Variants in GCLC observed in about 807,000 individuals in gnomAD.
GCLC encodes the protein glutamate-cysteine ligase catalytic subunit.
A neutral mutation model predicts 81.5 loss-of-function variants in GCLC; 30 were observed. The observed-to-expected ratio is 0.37, with a 90% confidence interval of 0.28 to 0.50. GCLC has a LOEUF of 0.50. Ranked by LOEUF, GCLC falls within the 20% of genes least tolerant of loss-of-function variation. The pLI is 0.96. For synonymous variants in GCLC, 262 were observed against 273.3 expected, an observed-to-expected ratio of 0.96 and a Z score of 0.41; for missense variants, 556 against 777.4, an observed-to-expected ratio of 0.72 and a Z score of 3.39.
intron 3 of GCLC, among the ~76,000 whole-genome samples, chr6:53,517,102 T>C (rs1380957478): frequency 1.4e-5 from 2 of 138,232 alleles, no homozygotes; most frequent in East Asian, 2.0e-4. Context: ...TTTTTTTTTT[T>C]CTGAGAAAGG....
intron 1 of GCLC, among the ~76,000 whole-genome samples, chr6:53,543,368 G>A (rs554526172): frequency 2.0e-5 from 3 of 151,754 alleles, no homozygotes; most frequent in Admixed American, 2.0e-4. Flanking sequence ...GTAGAAATGT[G>A]AATTACTAGT....
rs758075962 is a variant in GCLC at position 53,500,086 on chromosome 6, C to G, written c.1661G>C (p.Ser554Thr). The change falls in exon 15 of 16, where the codon AGT becomes ACT. Residue 554 changes from serine to threonine, a missense_variant. This residue lies in a region of GCLC where 313 missense variants were observed against 437.3 expected (regional missense o/e 0.72). Transcript: ENST00000650454. ...AATTAGCTTTAGGTAGTTCAGAATACTACATCTGGTGTCCACATCCACTTC... is the reference window on the plus strand; with the variant it reads ...AATTAGCTTTAGGTAGTTCAGAATAGTACATCTGGTGTCCACATCCACTTC... ...NMEVDVDTRC[S>T]ILNYLKLIKK... 3 of 1,609,390 alleles carry G rather than the reference C, an allele frequency of 1.9e-6. No individual in the cohort carries two copies. The highest frequency in any genetic ancestry group is 1.1e-5 in the South Asian group (1 of 90,974).
chr6:53,531,148 T>A (rs765386295), intron 1 of GCLC, among the ~76,000 whole-genome samples: 1 of 152,120 alleles, frequency 6.6e-6, no homozygotes, highest in Admixed American at 6.5e-5. Flanking sequence ...CAGGGGTTAG[T>A]GGTTACTATT....
At chr6:53,512,711 C>G (rs940955444) in intron 6 of GCLC, among the ~76,000 whole-genome samples, 2 of 151,972 alleles carry the variant, frequency 1.3e-5, no homozygotes, top group African/African-American at 4.8e-5. Flanking sequence ...TATCTACAAG[C>G]AACAAAAATA....
rs747294303 is a variant in GCLC at position 53,544,523 on chromosome 6, G to A, written c.123C>T (p.His41=). 6.2e-7 allele frequency: 1 copy of A among 1,609,184 alleles called. No individual in the cohort carries two copies. Among genetic ancestry groups the A allele is most frequent in the East Asian group, 2.2e-5 (1 of 44,842 alleles). ...LHIYHAVKDR[H]KDVLKWGDEV... ...CATCGCCCCACTTGAGAACGTCCTT[G>A]TGCCGGTCCTTGACGGCGTGGTAGA... Residue 41 remains histidine, a synonymous_variant, in exon 1 of 16, where the codon CAC becomes CAT. Coordinates refer to ENST00000650454, the MANE Select transcript of GCLC (RefSeq NM_001498.4).
At chr6:53,499,113 C>T in intron 15 of GCLC, 146 bp from the exon 16 acceptor site, 2 of 667,514 alleles carry the variant, frequency 3.0e-6, no homozygotes, top group Non-Finnish European at 2.7e-6. Flanking sequence ...GGGGTGGGAA[C>T]ATCTTTCATA....
chr6:53,526,654 T>C (rs970852648), intron 1 of GCLC, among the ~76,000 whole-genome samples: 8 of 151,762 alleles, frequency 5.3e-5, no homozygotes. Flanking sequence ...AAAAATTAGC[T>C]AGGCATGCTG....
At chr6:53,541,044 G>A (rs1224295949) in intron 1 of GCLC, among the ~76,000 whole-genome samples, 1 of 152,046 alleles carries the variant, frequency 6.6e-6, no homozygotes, top group Non-Finnish European at 1.5e-5. Context: ...GTGAAACCCC[G>A]ATTCTACTAA....
At position 53,498,696 on chromosome 6, in the gene GCLC, CT is replaced by C. The variant is rs1361578679; in HGVS notation, c.*59del. ...TCTTCATATTATACACACGGGCTGG[CT>C]GAGAGGCATGGTACTGTAGCCAGTT... On this transcript the variant is annotated 3_prime_UTR_variant, in exon 16 of 16. Coordinates refer to ENST00000650454, the MANE Select transcript of GCLC (RefSeq NM_001498.4). The C allele has an allele frequency of 1.4e-5, 14 of 974,722 alleles. No individual in the cohort carries two copies. The highest frequency in any genetic ancestry group is 1.2e-4 in the East Asian group (5 of 40,682). 60.4% of individuals were successfully genotyped at this position (974,722 alleles called of 1,614,324 possible). A position where few individuals can be genotyped will look rare whatever the true frequency, so the allele number is the denominator to read the frequency against.
At chr6:53,509,073 G>A (rs994414619) in intron 7 of GCLC, 103 bp downstream of exon 7, 10 of 749,088 alleles carry the variant, frequency 1.3e-5, no homozygotes, top group Admixed American at 5.6e-5. Context: ...ATCTCTGACT[G>A]AGGTCTTAAC....
chr6:53,498,820 T>A lies in GCLC; in HGVS notation c.1850A>T (p.Glu617Val). ...QIANELCECP[E>V]LLGSAFRKVK... ...TTTCCTAAATGCTGATCCAAGTAAC[T>A]CTGGGCATTCACATAATTCATTTGC... Residue 617 changes from glutamate (E) to valine (V), a missense_variant, in exon 16 of 16, where the codon GAG becomes GTG. Glu to Val is a moderately radical substitution (Grantham distance 121). This residue lies in a region of GCLC where 313 missense variants were observed against 437.3 expected (regional missense o/e 0.72). Transcript: ENST00000650454. The A allele has an allele frequency of 6.2e-7, 1 of 1,613,606 alleles. No homozygotes were observed. The highest frequency in any genetic ancestry group is 8.5e-7 in the Non-Finnish European group (1 of 1,179,518).
At chr6:53,529,911 T>A (rs935036106) in intron 1 of GCLC, among the ~76,000 whole-genome samples, 2 of 152,254 alleles carry the variant, frequency 1.3e-5, no homozygotes, top group African/African-American at 4.8e-5. Context: ...CATCCCCCAG[T>A]GGGCGGTGCC....
In GCLC at chr6:53,507,533, T is replaced by C. The variant is rs1160556696; in HGVS notation, c.1031A>G (p.Asn344Ser). Residue 344 changes from asparagine to serine, a missense_variant, in exon 9 of 16, where the codon AAT becomes AGT. Physicochemically the swap from Asn to Ser is conservative, Grantham distance 46. Coordinates refer to ENST00000650454, the MANE Select transcript of GCLC (RefSeq NM_001498.4). ...TTTATCTATCGTCAAGTCGATGTCA[T>C]TATATTTCTCACCACACTTAGATAA... Reference protein sequence around the residue: ...SYLSKCGEKYNDIDLTIDKEI... With the variant: ...SYLSKCGEKYSDIDLTIDKEI... The C allele has an allele frequency of 9.4e-6, 15 of 1,603,764 alleles. No homozygotes were observed. Among genetic ancestry groups the C allele is most frequent in the Non-Finnish European group, 1.3e-5 (15 of 1,170,876 alleles).
At chr6:53,524,696 A>T (rs1422946694) in intron 1 of GCLC, among the ~76,000 whole-genome samples, 2 of 152,218 alleles carry the variant, frequency 1.3e-5, no homozygotes. Context: ...TTAACTAGAA[A>T]ACATGCTTCC....
chr6:53,525,890 G>A (rs1355319561), intron 1 of GCLC, among the ~76,000 whole-genome samples: 5 of 152,158 alleles, frequency 3.3e-5, no homozygotes, highest in Non-Finnish European at 7.4e-5. Flanking sequence ...AATTGAGGGA[G>A]AAGAGACCCA....
In GCLC at chr6:53,514,719, C is replaced by A. The variant is rs17884046; in HGVS notation, c.561-222G>T. On this transcript the variant is annotated intron_variant, in intron 4 of 15. Coordinates refer to ENST00000650454, the MANE Select transcript of GCLC (RefSeq NM_001498.4). ...TTCTTTGGCTCCTGCTCGAGAATGC[C>A]GTTCTGTCTCCTGCTCAACCCCTGC... 0.14 allele frequency among the ~76,000 whole-genome samples: 21,445 copies of A among 152,140 alleles called. 1,567 individuals are homozygous for A. Among genetic ancestry groups the A allele is most frequent in the South Asian group, 0.16 (784 of 4,818 alleles).
At chr6:53,525,270 C>A (rs1763060873) in intron 1 of GCLC, among the ~76,000 whole-genome samples, 1 of 152,164 alleles carries the variant, frequency 6.6e-6, no homozygotes, top group Non-Finnish European at 1.5e-5. Flanking sequence ...CACCTCAACA[C>A]ATTTATGTTT....
chr6:53,523,524 A>G (rs1445177834), intron 1 of GCLC, among the ~76,000 whole-genome samples: 1 of 152,248 alleles, frequency 6.6e-6, no homozygotes, highest in African/African-American at 2.4e-5. Flanking sequence ...AAAAATAAAA[A>G]GGCAGGCAAC....
At chr6:53,516,750 GGGA>G (rs1380033114) in intron 3 of GCLC, among the ~76,000 whole-genome samples, 1 of 152,112 alleles carries the variant, frequency 6.6e-6, no homozygotes, top group East Asian at 1.9e-4. Context: ...CTCAAGATTA[GGGA>G]GTGTCTCTGC....
Sources: gnomAD v4.1 joint callset for allele counts (sites outside exome capture counted in the v4.1 genomes callset) on GRCh38, gnomAD v4.1.1 for gene constraint, gnomAD v4.1.1 regional missense constraint, MANE v1.5 for transcripts, NCBI Gene and HGNC (gene_info 2026-07-23, HGNC 2026-07-21) for gene names.